The following STK33 variants were observed in gnomAD, a reference collection of about 807,000 sequenced individuals.
The protein encoded by STK33 is serine/threonine-protein kinase 33.
In STK33, 52 loss-of-function variants were observed where a neutral mutation model predicts 58.0. The observed-to-expected ratio is 0.90, with a 90% CI of 0.72 to 1.13. The LOEUF is 1.13. Among genes scored for constraint, STK33 ranks in the 50% most tolerant of loss-of-function variants. The pLI is 0.00. For synonymous variants in STK33, 215 were observed against 200.1 expected, an observed-to-expected ratio of 1.07 and a Z score of -0.63; for missense variants, 630 against 604.2, an observed-to-expected ratio of 1.04 and a Z score of -0.45.
chr11:8,407,201 C>T (rs1282810192), intron 15 of STK33, among the ~76,000 whole-genome samples: 3 of 152,004 alleles, frequency 2.0e-5, no homozygotes, highest in Admixed American at 6.6e-5. Context: ...ACTGCAAACA[C>T]TTAATTATGA....
chr11:8,492,764 A>G (rs930180149), intron 1 of STK33, among the ~76,000 whole-genome samples: 12 of 152,216 alleles, frequency 7.9e-5, no homozygotes, highest in Admixed American at 1.3e-4. Flanking sequence ...ATGACAGTGC[A>G]ATCAAATTAG....
intron 1 of STK33, among the ~76,000 whole-genome samples, chr11:8,590,538 A>G (rs544800486): frequency 6.6e-6 from 1 of 152,192 alleles, no homozygotes; most frequent in African/African-American, 2.4e-5. Context: ...CTGACAAGTC[A>G]ATGGTTAAGA....
At chr11:8,478,632 C>A (rs1254070297) in intron 2 of STK33, among the ~76,000 whole-genome samples, 1 of 152,084 alleles carries the variant, frequency 6.6e-6, no homozygotes, top group Non-Finnish European at 1.5e-5. Flanking sequence ...TAAGATATAA[C>A]TAGCTATAAT....
chr11:8,374,007 T>G, the STK33 span, among the ~76,000 whole-genome samples: 1 of 152,248 alleles, frequency 6.6e-6, no homozygotes, highest in Admixed American at 6.5e-5. Flanking sequence ...TCCTTACTGA[T>G]ACCCAATTAT....
the STK33 span, among the ~76,000 whole-genome samples, chr11:8,354,940 G>A: frequency 6.6e-6 from 1 of 152,266 alleles, no homozygotes; most frequent in Non-Finnish European, 1.5e-5. Context: ...AAGCCAGCCA[G>A]GCGCAGCCTG....
intron 15 of STK33, among the ~76,000 whole-genome samples, chr11:8,404,423 A>C (rs2135405154): frequency 6.6e-6 from 1 of 152,308 alleles, no homozygotes; most frequent in African/African-American, 2.4e-5. Flanking sequence ...CTCTTGCCAC[A>C]ACCCAGTCAA....
At chr11:8,408,542 C>T (rs891480470) in intron 15 of STK33, among the ~76,000 whole-genome samples, 2 of 152,180 alleles carry the variant, frequency 1.3e-5, no homozygotes, top group African/African-American at 2.4e-5. Flanking sequence ...GCCAGCAACT[C>T]GCATTGCAAG....
the STK33 span, among the ~76,000 whole-genome samples, chr11:8,367,036 T>C: frequency 6.6e-6 from 1 of 152,276 alleles, no homozygotes; most frequent in East Asian, 1.9e-4. Context: ...GCCATGTGTG[T>C]ACATAGGTGT....
chr11:8,344,198 AACACACACAC>A, the STK33 span, among the ~76,000 whole-genome samples: 22 of 137,228 alleles, frequency 1.6e-4, no homozygotes, highest in East Asian at 4.1e-3. Context: ...AAACAAACAA[AACACACACAC>A]ACACACACAC....
intron 1 of STK33, among the ~76,000 whole-genome samples, chr11:8,535,014 A>G (rs1328608677): frequency 6.6e-6 from 1 of 152,174 alleles, no homozygotes; most frequent in Non-Finnish European, 1.5e-5. Flanking sequence ...GGGGAGAGAG[A>G]GTATGGAAAG....
At chr11:8,395,890 G>A (rs946867328) in intron 15 of STK33, among the ~76,000 whole-genome samples, 2 of 152,132 alleles carry the variant, frequency 1.3e-5, no homozygotes, top group Non-Finnish European at 2.9e-5. Flanking sequence ...CACTGCAGTT[G>A]TACTGATGTA....
intron 1 of STK33, among the ~76,000 whole-genome samples, chr11:8,500,293 A>T (rs1261970389): frequency 6.6e-6 from 1 of 151,878 alleles, no homozygotes; most frequent in Non-Finnish European, 1.5e-5. Context: ...ATGATCCTGT[A>T]TGGAAAAAAT....
At chr11:8,402,847 T>G (rs1490957962) in intron 15 of STK33, among the ~76,000 whole-genome samples, 1 of 152,214 alleles carries the variant, frequency 6.6e-6, no homozygotes, top group African/African-American at 2.4e-5. Flanking sequence ...CTTTATTTTG[T>G]TAGGTTATAG....
chr11:8,406,142 CAAAAAAAAAAAAAAA>C (rs59336494), intron 15 of STK33, among the ~76,000 whole-genome samples: 1 of 94,702 alleles, frequency 1.1e-5, no homozygotes, highest in South Asian at 3.8e-4. Context: ...GACTCCGTCT[CAAAAAAAAAAAAAAA>C]AAAAAAAAAA....
downstream of STK33, among the ~76,000 whole-genome samples, chr11:8,389,527 G>A (rs931636820): frequency 6.6e-6 from 1 of 152,208 alleles, no homozygotes; most frequent in African/African-American, 2.4e-5. Flanking sequence ...TTGGTCTCTA[G>A]CCAAGCACAG....
At chr11:8,395,031 T>C (rs1001295888) in intron 15 of STK33, among the ~76,000 whole-genome samples, 1 of 152,230 alleles carries the variant, frequency 6.6e-6, no homozygotes. Flanking sequence ...ATTTTATGCA[T>C]CTTCAAGCAA....
intron 1 of STK33, among the ~76,000 whole-genome samples, chr11:8,548,013 G>T (rs1283442525): frequency 7.3e-5 from 11 of 150,116 alleles, no homozygotes; most frequent in African/African-American, 2.5e-4. Context: ...GGCCTGTTGT[G>T]GGGTGGAGGG....
the STK33 span, among the ~76,000 whole-genome samples, chr11:8,363,614 G>A: frequency 2.8e-3 from 420 of 152,330 alleles, 3 homozygotes; most frequent in African/African-American, 9.5e-3. Flanking sequence ...ATCTGTGCAG[G>A]TGCATGTACC....
In STK33 at chr11:8,474,764, T is replaced by C. The variant is rs368557393; in HGVS notation, c.142A>G (p.Ile48Val). The change falls in exon 5 of 16, where the codon ATT becomes GTT. Residue 48 changes from isoleucine to valine, a missense_variant. Ile to Val is a conservative substitution (Grantham distance 29). Transcript: ENST00000687296. The part of the protein sequence containing the change: ...LVVEMSQTSS[I>V]GSAESLISLE... Reference sequence around the variant, plus strand: ...GAAATTAAAGATTCTGCACTACCAATGCTTGATGTCTGTGACATTTCCACC... The same window carrying C: ...GAAATTAAAGATTCTGCACTACCAACGCTTGATGTCTGTGACATTTCCACC... 7.3e-5 allele frequency: 117 copies of C among 1,613,612 alleles called. No homozygotes were observed. The highest frequency in any genetic ancestry group is 9.3e-5 in the Non-Finnish European group (110 of 1,179,874).
Sources: allele counts gnomAD v4.1 joint callset (sites outside exome capture counted in the v4.1 genomes callset), GRCh38; gene constraint gnomAD v4.1.1; transcripts MANE v1.5; gene names NCBI Gene and HGNC (gene_info 2026-07-23, HGNC 2026-07-21).